BMPR2: variants seen among roughly 807,000 people sequenced by gnomAD.
BMPR2 encodes the protein bone morphogenetic protein receptor type-2.
Under a neutral mutation model 100.8 loss-of-function variants are expected in BMPR2, and 29 were observed. The observed-to-expected ratio is 0.29, with a 90% confidence interval of 0.21 to 0.39. BMPR2 has a LOEUF of 0.39. Ranked by LOEUF, BMPR2 falls within the 10% of genes least tolerant of loss-of-function variation. The probability of loss-of-function intolerance (pLI) is 1.00; values close to 1 mark genes in which losing one functional copy is unlikely to be tolerated. For missense variants in BMPR2, 1,011 were observed against 1,274.5 expected (o/e 0.79, Z 3.15); for synonymous variants, 382 against 442.3 (o/e 0.86, Z 1.71).
At chr2:202,507,816 C>T (rs1687552684) in intron 3 of BMPR2, among the ~76,000 whole-genome samples, 1 of 151,718 alleles carries the variant, frequency 6.6e-6, no homozygotes, top group East Asian at 1.9e-4. Flanking sequence ...TCTCCTGCCT[C>T]AGCCTCATGA....
chr2:202,515,496 G>A (rs564395798), intron 5 of BMPR2, among the ~76,000 whole-genome samples: 9 of 150,788 alleles, frequency 6.0e-5, no homozygotes, highest in African/African-American at 1.2e-4. Context: ...GCTTGAACCC[G>A]GGAGGCAGAG....
intron 8 of BMPR2, among the ~76,000 whole-genome samples, chr2:202,531,296 G>A (rs1688022435): frequency 6.6e-6 from 1 of 152,120 alleles, no homozygotes; most frequent in African/African-American, 2.4e-5. Context: ...GAGTGAGTGA[G>A]ACTCAGGACA....
At chr2:202,494,444 C>T (rs1259063390) in intron 3 of BMPR2, among the ~76,000 whole-genome samples, 2 of 152,302 alleles carry the variant, frequency 1.3e-5, no homozygotes, top group African/African-American at 2.4e-5. Context: ...ACAGACAGAA[C>T]GCCTCCAGTA....
chr2:202,504,391 AG>A (rs1309535246), intron 3 of BMPR2, among the ~76,000 whole-genome samples: 1 of 151,986 alleles, frequency 6.6e-6, no homozygotes, highest in Non-Finnish European at 1.5e-5. Context: ...GAACAACTCC[AG>A]ACACGCCGCC....
At position 202,532,991 on chromosome 2, in the gene BMPR2, G is replaced by A. The variant is rs2106020381; in HGVS notation, c.1276+259G>A. Among the ~76,000 whole-genome samples the A allele has an allele frequency of 6.6e-6, 1 of 151,956 alleles. No individual in the cohort carries two copies. The highest frequency in any genetic ancestry group is 1.9e-4 in the East Asian group (1 of 5,158). ...GTAATAGCTTATCTAACTGTATTTT[G>A]TTTGGTCTCTGATTGCTTTAGCAGT... On this transcript the variant is annotated intron_variant, in intron 9 of 12. Transcript: ENST00000374580. The surrounding 1 kb of genome is among the most constrained non-coding windows in gnomAD (Gnocchi z 4.1).
chr2:202,556,131 A>G lies in BMPR2; in HGVS notation c.2466A>G (p.Thr822=). 1 of 1,614,090 alleles carries G rather than the reference A, an allele frequency of 6.2e-7. No individual in the cohort carries two copies. The highest frequency in any genetic ancestry group is 1.1e-5 in the South Asian group (1 of 91,088). ...ACAGTGTTAACTCCCATGCTGCCAC[A>G]ACCCAATATGCCAATGGGACAGTAC... ...RNHSVNSHAA[T]TQYANGTVLS... Residue 822 remains threonine, a synonymous_variant, in exon 12 of 13, where the codon ACA becomes ACG. Coordinates refer to ENST00000374580, the MANE Select transcript of BMPR2 (RefSeq NM_001204.7).
intron 3 of BMPR2, among the ~76,000 whole-genome samples, chr2:202,504,734 C>T (rs1687486436): frequency 7.2e-6 from 1 of 138,580 alleles, no homozygotes; most frequent in South Asian, 2.3e-4. Context: ...GGCTGGAGTG[C>T]AGTGGCGCAA....
At chr2:202,460,427 G>A (rs1383727025) in intron 1 of BMPR2, among the ~76,000 whole-genome samples, 1 of 152,126 alleles carries the variant, frequency 6.6e-6, no homozygotes, top group Non-Finnish European at 1.5e-5. Flanking sequence ...GAATATCCAT[G>A]CTATGGAGAA....
intron 1 of BMPR2, among the ~76,000 whole-genome samples, chr2:202,460,913 G>A (rs1692213146): frequency 6.6e-6 from 1 of 151,398 alleles, no homozygotes; most frequent in African/African-American, 2.4e-5. Context: ...GGGTGCAGTG[G>A]TGCGATAGTT....
At chr2:202,479,258 C>T (rs1692612121) in intron 3 of BMPR2, among the ~76,000 whole-genome samples, 2 of 152,178 alleles carry the variant, frequency 1.3e-5, no homozygotes, top group Admixed American at 1.3e-4. Context: ...CAGCAAGGAA[C>T]TGAGGCCCAT....
chr2:202,542,950 G>A (rs2106031468), intron 10 of BMPR2, among the ~76,000 whole-genome samples: 1 of 151,944 alleles, frequency 6.6e-6, no homozygotes, highest in East Asian at 1.9e-4. Flanking sequence ...GCCGAGGCGG[G>A]CAGATTGCCT....
At chr2:202,431,620 T>C (rs1691504110) in intron 1 of BMPR2, among the ~76,000 whole-genome samples, 1 of 150,742 alleles carries the variant, frequency 6.6e-6, no homozygotes, top group East Asian at 1.9e-4. Context: ...TTTCTGTGTT[T>C]AGATACATAA....
At chr2:202,406,288 C>T (rs953079860) in intron 1 of BMPR2, among the ~76,000 whole-genome samples, 1 of 152,222 alleles carries the variant, frequency 6.6e-6, no homozygotes, top group Non-Finnish European at 1.5e-5. Context: ...TAAGTTGTAG[C>T]CCCTTGGGGC....
At chr2:202,460,712 A>T (rs972958315) in intron 1 of BMPR2, among the ~76,000 whole-genome samples, 1 of 152,008 alleles carries the variant, frequency 6.6e-6, no homozygotes, top group Non-Finnish European at 1.5e-5. Context: ...ATAATATAAT[A>T]TGGATCCATG....
chr2:202,556,960 G>A (rs554518830), intron 12 of BMPR2, among the ~76,000 whole-genome samples: 2 of 151,484 alleles, frequency 1.3e-5, no homozygotes, highest in East Asian at 3.9e-4. Context: ...GCGTGCACCT[G>A]TAATCCCAGC....
intron 9 of BMPR2, among the ~76,000 whole-genome samples, chr2:202,538,893 A>C (rs1477515193): frequency 6.6e-6 from 1 of 152,130 alleles, no homozygotes; most frequent in African/African-American, 2.4e-5. Context: ...ACAACTAAAT[A>C]AATTTTTAAA....
intron 5 of BMPR2, among the ~76,000 whole-genome samples, chr2:202,515,896 A>G (rs1233507318): frequency 1.3e-5 from 2 of 152,208 alleles, no homozygotes; most frequent in Non-Finnish European, 2.9e-5. Flanking sequence ...AAAATAAAAA[A>G]GAAAAAGAAA....
chr2:202,454,369 C>A (rs1692048160), intron 1 of BMPR2, among the ~76,000 whole-genome samples: 1 of 152,116 alleles, frequency 6.6e-6, no homozygotes, highest in Admixed American at 6.6e-5. Context: ...CTGCACCCAG[C>A]CCTGAATATG....
chr2:202,468,358 A>C (rs2105962957), intron 3 of BMPR2, among the ~76,000 whole-genome samples: 1 of 152,304 alleles, frequency 6.6e-6, no homozygotes, highest in East Asian at 1.9e-4. Context: ...GCGCATGTGT[A>C]GTTCAGCTAT....
Sources: allele counts gnomAD v4.1 joint callset (sites outside exome capture counted in the v4.1 genomes callset), GRCh38; gene constraint gnomAD v4.1.1; non-coding constraint Gnocchi (gnomAD v3.1); transcripts MANE v1.5; gene names NCBI Gene and HGNC (gene_info 2026-07-23, HGNC 2026-07-21).